VPS35L: variants seen among roughly 807,000 people sequenced by gnomAD.
The protein encoded by VPS35L is VPS35 endosomal protein-sorting factor-like.
A neutral mutation model predicts 133.0 loss-of-function variants in VPS35L; 83 were observed. That is an observed-to-expected ratio of 0.62 (90% confidence interval 0.52 to 0.75). VPS35L has a LOEUF of 0.75. VPS35L is among the 30% of genes least tolerant of loss of function. The pLI is 0.00. For missense variants in VPS35L, 1,083 were observed against 1,206.8 expected (o/e 0.90, Z 1.52); for synonymous variants, 423 against 449.9 (o/e 0.94, Z 0.76).
chr16:19,602,726 C>G (rs1309443953), intron 9 of VPS35L, among the ~76,000 whole-genome samples: 1 of 152,154 alleles, frequency 6.6e-6, no homozygotes, highest in Non-Finnish European at 1.5e-5. Flanking sequence ...CTTCACCCTC[C>G]TCAGTAGCTG....
chr16:19,569,132 G>A (rs1597309976), intron 2 of VPS35L: 1 of 567,822 alleles, frequency 1.8e-6, no homozygotes, highest in East Asian at 3.9e-5. Flanking sequence ...GTTGGATTTT[G>A]GTTTGCTACA....
intron 27 of VPS35L, among the ~76,000 whole-genome samples, chr16:19,680,923 CT>C (rs56807505): frequency 0.054 from 7,830 of 143,824 alleles, 460 homozygotes; most frequent in African/African-American, 0.14. Flanking sequence ...CGCCCCCCCC[CT>C]AAAAAAACAG....
At chr16:19,644,629 G>A (rs953569334) in intron 22 of VPS35L, among the ~76,000 whole-genome samples, 218 of 152,264 alleles carry the variant, frequency 1.4e-3, no homozygotes, top group African/African-American at 4.9e-3. Context: ...AGAAGTGAAA[G>A]TTACCTTTTC....
intron 12 of VPS35L, among the ~76,000 whole-genome samples, chr16:19,610,712 T>G (rs933609829): frequency 1.3e-5 from 2 of 152,138 alleles, no homozygotes; most frequent in East Asian, 3.9e-4. Flanking sequence ...GGGAAGGAGG[T>G]TCCCAGGGCC....
intron 26 of VPS35L, among the ~76,000 whole-genome samples, chr16:19,659,777 T>C (rs898133690): frequency 1.3e-5 from 2 of 152,218 alleles, no homozygotes; most frequent in East Asian, 3.8e-4. Flanking sequence ...CACATCTTCA[T>C]TGCAGGCAAA....
At chr16:19,592,884 C>A (rs1474203488) in intron 8 of VPS35L, among the ~76,000 whole-genome samples, 1 of 152,006 alleles carries the variant, frequency 6.6e-6, no homozygotes, top group Non-Finnish European at 1.5e-5. Context: ...TGGGATTTCA[C>A]CATGTTGGCT....
intron 28 of VPS35L, among the ~76,000 whole-genome samples, chr16:19,685,177 T>C (rs563008697): frequency 2.2e-4 from 33 of 152,038 alleles, no homozygotes; most frequent in African/African-American, 8.0e-4. Flanking sequence ...GATCAAGAAA[T>C]AGAACACCTC....
At chr16:19,595,970 C>G (rs1235003584) in intron 8 of VPS35L, among the ~76,000 whole-genome samples, 1 of 152,128 alleles carries the variant, frequency 6.6e-6, no homozygotes, top group Non-Finnish European at 1.5e-5. Flanking sequence ...ATGGTGAAAC[C>G]TCGTCTCTAC....
chr16:19,560,059 A>G (rs925269822), intron 1 of VPS35L, among the ~76,000 whole-genome samples: 1 of 152,216 alleles, frequency 6.6e-6, no homozygotes, highest in Non-Finnish European at 1.5e-5. Flanking sequence ...AATTCGTTCC[A>G]AAACTTGGCT....
rs1286916079 is a variant in VPS35L, at chr16:19,586,283, T to G, written c.639+4630T>G. Among the ~76,000 whole-genome samples the G allele has an allele frequency of 2.0e-5, 3 of 152,298 alleles. No individual in the cohort carries two copies. In the East Asian group the frequency reaches 5.8e-4, roughly 29 times the overall value. On this transcript the variant is annotated intron_variant, in intron 7 of 30. Coordinates refer to ENST00000417362, the MANE Select transcript of VPS35L (RefSeq NM_020314.7). ...CTACTCTGTGGCTTGTCTTTTTGTTTTCATAATTGTGTCTTTGAAGTGTGG... is the reference window on the plus strand; with the variant it reads ...CTACTCTGTGGCTTGTCTTTTTGTTGTCATAATTGTGTCTTTGAAGTGTGG...
chr16:19,569,143 T>C, intron 2 of VPS35L: 1 of 606,254 alleles, frequency 1.6e-6, no homozygotes, highest in Middle Eastern at 2.6e-4. Context: ...GTTTGCTACA[T>C]AGGGAACCCC....
In VPS35L at chr16:19,564,154, C is replaced by T. The variant is rs757636397; in HGVS notation, c.18-697C>T. On this transcript the variant is annotated intron_variant, in intron 1 of 30. Transcript: ENST00000417362. ...AGTGCAGTGGCATGATCTCAGCTTACTGCAACCTCCGCCTCCTGGTTGAAG... is the reference window on the plus strand; with the variant it reads ...AGTGCAGTGGCATGATCTCAGCTTATTGCAACCTCCGCCTCCTGGTTGAAG... 4.6e-5 allele frequency among the ~76,000 whole-genome samples: 7 copies of T among 152,120 alleles called. 1 individual carries two copies. Among genetic ancestry groups the T allele is most frequent in the Non-Finnish European group, 1.0e-4 (7 of 68,024 alleles).
intron 8 of VPS35L, among the ~76,000 whole-genome samples, chr16:19,597,970 G>A (rs1972269543): frequency 6.6e-6 from 1 of 152,208 alleles, no homozygotes; most frequent in African/African-American, 2.4e-5. Flanking sequence ...TGCTGTGCCA[G>A]GGATGCAGGC....
rs755845833 is a variant in VPS35L at position 19,616,805 on chromosome 16, C to A, written c.1221C>A (p.Pro407=). 1 of 1,614,052 alleles carries A rather than the reference C, an allele frequency of 6.2e-7. No homozygotes were observed. The highest frequency in any genetic ancestry group is 1.3e-5 in the African/African-American group (1 of 74,914). The change falls in exon 14 of 31, where the codon CCC becomes CCA. Residue 407 remains proline (P), a synonymous_variant. Coordinates refer to ENST00000417362, the MANE Select transcript of VPS35L (RefSeq NM_020314.7). ...TCCAGTGCATCTCCTACCATGCCCC[C>A]GAGGTAACTGCCAGGTGGCTTCAGT... ...WIFQCISYHA[P]EALLTEMMER...
At chr16:19,684,547 C>T (rs986708752) in intron 28 of VPS35L, among the ~76,000 whole-genome samples, 25 of 152,140 alleles carry the variant, frequency 1.6e-4, no homozygotes, top group African/African-American at 4.8e-4. Flanking sequence ...GCACTTACTG[C>T]GTGCCAAGGA....
intron 28 of VPS35L, among the ~76,000 whole-genome samples, chr16:19,688,478 C>T (rs981302197): frequency 1.3e-5 from 2 of 152,196 alleles, no homozygotes; most frequent in African/African-American, 2.4e-5. Context: ...CTTGTGGCCG[C>T]GTGTACACAA....
intron 26 of VPS35L, among the ~76,000 whole-genome samples, chr16:19,656,969 T>TTG (rs1974324919): frequency 6.8e-6 from 1 of 147,834 alleles, no homozygotes; most frequent in Non-Finnish European, 1.5e-5. Context: ...CTTGTTTTTT[T>TTG]TTTTTTTTTT....
intron 15 of VPS35L, 149 bp from the exon 16 acceptor site, chr16:19,627,545 C>T: frequency 1.6e-6 from 1 of 638,064 alleles, no homozygotes; most frequent in Non-Finnish European, 2.8e-6. Flanking sequence ...TTAGTCTCTC[C>T]AGTTTACCTT....
chr16:19,591,905 A>G, intron 8 of VPS35L, 31 bp downstream of exon 8: 1 of 1,496,586 alleles, frequency 6.7e-7, no homozygotes, highest in South Asian at 1.1e-5. Context: ...TCTTAGATCT[A>G]GGAAATGTGT....
Sources: gnomAD v4.1 joint callset for allele counts (sites outside exome capture counted in the v4.1 genomes callset) on GRCh38, gnomAD v4.1.1 for gene constraint, MANE v1.5 for transcripts, NCBI Gene and HGNC (gene_info 2026-07-23, HGNC 2026-07-21) for gene names.